Variants in TCF7L1 observed in about 807,000 individuals in gnomAD.
TCF7L1 encodes transcription factor 7 like 1.
In TCF7L1, 18 loss-of-function variants were observed where a neutral mutation model predicts 63.7. The observed-to-expected ratio is 0.28, with a 90% CI of 0.20 to 0.42. The LOEUF is 0.42. TCF7L1 is among the 10% of genes least tolerant of loss of function. TCF7L1 has a pLI of 1.00. For missense variants in TCF7L1, 654 were observed against 779.3 expected, an observed-to-expected ratio of 0.84 and a Z score of 1.91; for synonymous variants, 355 against 340.9, an observed-to-expected ratio of 1.04 and a Z score of -0.46.
chr2:85,162,504 A>G (rs551719875), intron 3 of TCF7L1, among the ~76,000 whole-genome samples: 2 of 152,176 alleles, frequency 1.3e-5, no homozygotes, highest in Non-Finnish European at 2.9e-5. Context: ...AGTGGTTCCC[A>G]AATTTTCTTG....
intron 3 of TCF7L1, among the ~76,000 whole-genome samples, chr2:85,255,373 A>G (rs964839731): frequency 6.6e-6 from 1 of 151,954 alleles, no homozygotes; most frequent in Non-Finnish European, 1.5e-5. Flanking sequence ...CCTCCCCCCT[A>G]CATGCTGTTG....
At chr2:85,215,151 A>G (rs1312703832) in intron 3 of TCF7L1, among the ~76,000 whole-genome samples, 3 of 152,198 alleles carry the variant, frequency 2.0e-5, no homozygotes, top group African/African-American at 4.8e-5. Flanking sequence ...CTGTTCTGCC[A>G]CTTTAACACC....
At chr2:85,277,574 A>G (rs567013570) in intron 3 of TCF7L1, among the ~76,000 whole-genome samples, 23 of 152,232 alleles carry the variant, frequency 1.5e-4, no homozygotes, top group African/African-American at 5.3e-4. Flanking sequence ...CCGGTCACCA[A>G]AACTGGGACC....
At chr2:85,137,738 C>T (rs1677628675) in intron 3 of TCF7L1, among the ~76,000 whole-genome samples, 1 of 151,886 alleles carries the variant, frequency 6.6e-6, no homozygotes, top group African/African-American at 2.4e-5. Flanking sequence ...ACTAAAAATA[C>T]AAAAATTAGC....
At chr2:85,182,817 C>T (rs1421696964) in intron 3 of TCF7L1, among the ~76,000 whole-genome samples, 1 of 152,212 alleles carries the variant, frequency 6.6e-6, no homozygotes, top group African/African-American at 2.4e-5. Flanking sequence ...CTGCTGTCTT[C>T]CTGAGTGGTG....
At chr2:85,158,422 A>C (rs1164606934) in intron 3 of TCF7L1, among the ~76,000 whole-genome samples, 1 of 151,702 alleles carries the variant, frequency 6.6e-6, no homozygotes, top group Non-Finnish European at 1.5e-5. Flanking sequence ...CGAGGCCCAA[A>C]CCCCTGCAGG....
In TCF7L1 at chr2:85,134,122, G is replaced by A; in HGVS notation, c.313+43G>A. On this transcript the variant is annotated intron_variant, in intron 2 of 11. Transcript: ENST00000282111. The surrounding 1 kb of genome is among the most constrained non-coding windows in gnomAD (Gnocchi z 5.0). ...CAGCCCCCCACTCTCGATTCCCGCT[G>A]CGCTCCGCTGCTCAGCCCGGGCGGC... The A allele has an allele frequency of 6.2e-7, 1 of 1,600,220 alleles. No homozygotes were observed. The highest frequency in any genetic ancestry group is 8.5e-7 in the Non-Finnish European group (1 of 1,174,210).
At chr2:85,308,461 C>CCCTCCCTCCTTTTCTCCCTCCCTTTCTG (rs1682188999) in intron 11 of TCF7L1, among the ~76,000 whole-genome samples, 6 of 78,820 alleles carry the variant, frequency 7.6e-5, no homozygotes, top group Non-Finnish European at 4.9e-5. Context: ...CCCTCCCTCT[C>CCCTCCCTCCTTTTCTCCCTCCCTTTCTG]TTTCCCTCCC....
intron 3 of TCF7L1, among the ~76,000 whole-genome samples, chr2:85,169,822 C>T (rs1255501892): frequency 1.3e-5 from 2 of 152,144 alleles, no homozygotes; most frequent in African/African-American, 2.4e-5. Context: ...CAGACTCGTC[C>T]AGCACAGACT....
chr2:85,196,292 G>A (rs1193013286), intron 3 of TCF7L1, among the ~76,000 whole-genome samples: 2 of 152,118 alleles, frequency 1.3e-5, no homozygotes, highest in African/African-American at 4.8e-5. Flanking sequence ...GACAAACTTC[G>A]CTATATTGCT....
At chr2:85,243,937 A>G (rs372802545) in intron 3 of TCF7L1, among the ~76,000 whole-genome samples, 7 of 152,198 alleles carry the variant, frequency 4.6e-5, no homozygotes, top group African/African-American at 1.7e-4. Flanking sequence ...GGAAAGAACG[A>G]ACAGGCAAAC....
chr2:85,288,124 CG>C (rs1681606608), intron 4 of TCF7L1, among the ~76,000 whole-genome samples: 1 of 152,094 alleles, frequency 6.6e-6, no homozygotes, highest in Admixed American at 6.6e-5. Flanking sequence ...GAAAGAACAA[CG>C]AAAATACTGT....
At chr2:85,241,398 G>A (rs1402780646) in intron 3 of TCF7L1, among the ~76,000 whole-genome samples, 1 of 144,702 alleles carries the variant, frequency 6.9e-6, no homozygotes, top group Non-Finnish European at 1.5e-5. Flanking sequence ...GAGCCTCTTT[G>A]CACTCTTTGA....
chr2:85,229,371 G>GA (rs1680024343), intron 3 of TCF7L1, among the ~76,000 whole-genome samples: 1 of 151,322 alleles, frequency 6.6e-6, no homozygotes, highest in Non-Finnish European at 1.5e-5. Flanking sequence ...AGGAAGGAAG[G>GA]AGATTGGAAC....
At position 85,300,311 on chromosome 2, in the gene TCF7L1, A is replaced by G. The variant is rs190859371; in HGVS notation, c.526-2173A>G. On this transcript the variant is annotated intron_variant, in intron 4 of 11. Transcript: ENST00000282111. ...CCTTTAGACAAAGCTGTTTCCAGAA[A>G]CTATCATTAAGATGCATTGGCTTCC... Among the ~76,000 whole-genome samples, 17 of 152,356 alleles carry G rather than the reference A, an allele frequency of 1.1e-4. No individual in the cohort carries two copies. In the East Asian group the frequency reaches 2.9e-3, roughly 26 times the overall value.
At chr2:85,256,455 G>C (rs1680721525) in intron 3 of TCF7L1, among the ~76,000 whole-genome samples, 1 of 152,200 alleles carries the variant, frequency 6.6e-6, no homozygotes, top group South Asian at 2.1e-4. Flanking sequence ...TAAACCTGTT[G>C]GGTCAGGCTG....
At chr2:85,153,441 A>G (rs1678069728) in intron 3 of TCF7L1, among the ~76,000 whole-genome samples, 2 of 145,042 alleles carry the variant, frequency 1.4e-5, no homozygotes, top group African/African-American at 2.6e-5. Flanking sequence ...TCCCGGGTTC[A>G]CGCCATTCTC....
chr2:85,211,653 G>A (rs1364564259), intron 3 of TCF7L1, among the ~76,000 whole-genome samples: 1 of 152,146 alleles, frequency 6.6e-6, no homozygotes, highest in African/African-American at 2.4e-5. Context: ...ATAATTCCAG[G>A]CCACAGCAGG....
At chr2:85,219,972 A>G (rs965280511) in intron 3 of TCF7L1, among the ~76,000 whole-genome samples, 2 of 152,220 alleles carry the variant, frequency 1.3e-5, no homozygotes, top group East Asian at 1.9e-4. Context: ...AGCAAAGCCA[A>G]TGTGTGAACA....
Sources: gnomAD v4.1 joint callset for allele counts (sites outside exome capture counted in the v4.1 genomes callset) on GRCh38, gnomAD v4.1.1 for gene constraint, Gnocchi (gnomAD v3.1) non-coding constraint, MANE v1.5 for transcripts, NCBI Gene and HGNC (gene_info 2026-07-23, HGNC 2026-07-21) for gene names.